GNAZ: variants seen among roughly 807,000 people sequenced by gnomAD.
GNAZ encodes guanine nucleotide-binding protein G(z) subunit alpha.
In GNAZ, 3 loss-of-function variants were observed where a neutral mutation model predicts 25.4. The ratio of observed to expected loss-of-function variants is 0.12; its 90% CI spans 0.05 to 0.30. The LOEUF is 0.30. Ranked by LOEUF, GNAZ falls within the 10% of genes least tolerant of loss-of-function variation. GNAZ has a pLI of 1.00. For synonymous variants in GNAZ, 211 were observed against 205.7 expected, an observed-to-expected ratio of 1.03 and a Z score of -0.22; for missense variants, 241 against 501.8, an observed-to-expected ratio of 0.48 and a Z score of 4.97.
At position 23,102,392 on chromosome 22, in the gene GNAZ, T is replaced by C. The variant is rs79250967; in HGVS notation, c.723+5974T>C. Among the ~76,000 whole-genome samples, 454 of 152,334 alleles carry C rather than the reference T, an allele frequency of 3.0e-3. 3 individuals carry two copies. Among genetic ancestry groups the C allele is most frequent in the African/African-American group, 0.01 (436 of 41,588 alleles). On this transcript the variant is annotated intron_variant, in intron 2 of 2. Transcript: ENST00000615612. ...GCACTTCAGTCCTTGGGTTAGCTCC[T>C]TCCTTCCTCTGCTCCCAGGGAGGAT...
intron 1 of GNAZ, among the ~76,000 whole-genome samples, chr22:23,075,721 C>G (rs747649245): frequency 6.6e-6 from 1 of 152,160 alleles, no homozygotes; most frequent in Non-Finnish European, 1.5e-5. Flanking sequence ...AAACACACCC[C>G]GTCCCCGAGG....
chr22:23,075,679 C>T (rs1000651890), intron 1 of GNAZ, among the ~76,000 whole-genome samples: 3 of 152,194 alleles, frequency 2.0e-5, no homozygotes, highest in Admixed American at 6.5e-5. Context: ...GTGTCAAGCC[C>T]GGGGGTGTTC....
intron 2 of GNAZ, among the ~76,000 whole-genome samples, chr22:23,116,202 T>TGAGG (rs1480706383): frequency 6.6e-6 from 1 of 152,126 alleles, no homozygotes; most frequent in Admixed American, 6.5e-5. Context: ...GGCTGCCAGG[T>TGAGG]GAGGGGCTGA....
intron 1 of GNAZ, among the ~76,000 whole-genome samples, chr22:23,078,569 C>T (rs1011477102): frequency 1.3e-5 from 2 of 152,230 alleles, no homozygotes; most frequent in African/African-American, 4.8e-5. Context: ...TGGGGCTCTC[C>T]CTCCTCCCAG....
At chr22:23,094,194 C>T (rs574139478) in intron 1 of GNAZ, among the ~76,000 whole-genome samples, 7 of 152,158 alleles carry the variant, frequency 4.6e-5, no homozygotes, top group South Asian at 4.1e-4. Flanking sequence ...CGTGGGTCTC[C>T]GGACAGGGAC....
intron 1 of GNAZ, among the ~76,000 whole-genome samples, chr22:23,085,529 G>A (rs533215752): frequency 6.6e-6 from 1 of 152,336 alleles, no homozygotes; most frequent in East Asian, 1.9e-4. Context: ...AGCAGTGGAG[G>A]ATGCTCTGCT....
intron 2 of GNAZ, among the ~76,000 whole-genome samples, chr22:23,099,577 A>G (rs2069234208): frequency 6.6e-6 from 1 of 152,248 alleles, no homozygotes; most frequent in Non-Finnish European, 1.5e-5. Context: ...ACTGAGGCTC[A>G]GGCACACAGC....
intron 1 of GNAZ, among the ~76,000 whole-genome samples, chr22:23,072,353 C>T (rs1302636758): frequency 6.6e-6 from 1 of 152,144 alleles, no homozygotes; most frequent in Non-Finnish European, 1.5e-5. Context: ...GCGCCTTGAG[C>T]AAGCCTCATT....
chr22:23,077,707 C>T (rs1210313492), intron 1 of GNAZ, among the ~76,000 whole-genome samples: 5 of 152,150 alleles, frequency 3.3e-5, no homozygotes, highest in African/African-American at 1.2e-4. Flanking sequence ...GGCTATGGAG[C>T]AGCTAATCAG....
chr22:23,091,208 G>T (rs116826338), intron 1 of GNAZ, among the ~76,000 whole-genome samples: 2 of 152,294 alleles, frequency 1.3e-5, no homozygotes, highest in East Asian at 1.9e-4. Flanking sequence ...GGATCTGCGC[G>T]TGCACATGAA....
chr22:23,073,851 G>A (rs995576900), intron 1 of GNAZ, among the ~76,000 whole-genome samples: 4 of 152,024 alleles, frequency 2.6e-5, no homozygotes, highest in African/African-American at 9.7e-5. Flanking sequence ...ACACCAGACG[G>A]GCAGGGGTTG....
At chr22:23,094,795 G>T (rs894410817) in intron 1 of GNAZ, among the ~76,000 whole-genome samples, 5 of 152,224 alleles carry the variant, frequency 3.3e-5, no homozygotes, top group South Asian at 2.1e-4. Context: ...CTCCTGCGGG[G>T]GTAATGAGAG....
intron 1 of GNAZ, among the ~76,000 whole-genome samples, chr22:23,080,690 G>A (rs1461222918): frequency 6.6e-6 from 1 of 152,222 alleles, no homozygotes; most frequent in Non-Finnish European, 1.5e-5. Flanking sequence ...CCACAAACAC[G>A]GAGTCACATG....
At chr22:23,098,653 T>A (rs997165455) in intron 2 of GNAZ, among the ~76,000 whole-genome samples, 1 of 152,216 alleles carries the variant, frequency 6.6e-6, no homozygotes, top group Non-Finnish European at 1.5e-5. Flanking sequence ...AAATTCTTGA[T>A]GAGAAACCCA....
rs570781202 is a variant in GNAZ at position 23,072,009 on chromosome 22, G to A, written c.-450+1439G>A. Among the ~76,000 whole-genome samples, 519 of 152,218 alleles carry A rather than the reference G, an allele frequency of 3.4e-3. 3 individuals carry two copies. The highest frequency in any genetic ancestry group is 0.011 in the African/African-American group (462 of 41,534). On this transcript the variant is annotated intron_variant, in intron 1 of 2. Transcript: ENST00000615612. ...TAACTGTGGCTATGGTGGAGACCAC[G>A]GCTTCCTCATCTGTAAAAGCGAAGC...
intron 1 of GNAZ, among the ~76,000 whole-genome samples, chr22:23,076,729 G>C (rs2068515130): frequency 6.6e-6 from 1 of 152,236 alleles, no homozygotes; most frequent in East Asian, 1.9e-4. Flanking sequence ...ATGGAAAACT[G>C]TCCTAAGGGG....
At chr22:23,091,623 G>T (rs748951983) in intron 1 of GNAZ, among the ~76,000 whole-genome samples, 13 of 147,612 alleles carry the variant, frequency 8.8e-5, no homozygotes, top group African/African-American at 3.3e-4. Context: ...CATATGCACC[G>T]CAATGGACCT....
chr22:23,101,238 C>T (rs2069295206), intron 2 of GNAZ, among the ~76,000 whole-genome samples: 1 of 151,562 alleles, frequency 6.6e-6, no homozygotes, highest in African/African-American at 2.4e-5. Flanking sequence ...GGTTCCTTCA[C>T]ATACCGCAGG....
intron 2 of GNAZ, among the ~76,000 whole-genome samples, chr22:23,101,411 C>T (rs574998399): frequency 6.6e-6 from 1 of 152,318 alleles, no homozygotes; most frequent in East Asian, 1.9e-4. Flanking sequence ...GCTGTGTAGC[C>T]AGCCTTCCCT....
Sources: gnomAD v4.1 joint callset for allele counts (sites outside exome capture counted in the v4.1 genomes callset) on GRCh38, gnomAD v4.1.1 for gene constraint, MANE v1.5 for transcripts, NCBI Gene and HGNC (gene_info 2026-07-23, HGNC 2026-07-21) for gene names.